RANBP2: variants seen among roughly 807,000 people sequenced by gnomAD.
RANBP2 encodes E3 SUMO-protein ligase RanBP2.
RANBP2 carries 57 observed loss-of-function variants against 303.6 expected under a neutral mutation model. The observed-to-expected ratio is 0.19, with a 90% confidence interval of 0.15 to 0.23. The LOEUF (loss-of-function observed/expected upper bound fraction) is 0.23, where lower values mean the gene tolerates loss of function less well. Among genes scored for constraint, RANBP2 ranks in the 10% least tolerant of loss-of-function variants. The pLI, the probability that RANBP2 is intolerant of heterozygous loss-of-function variation, is 1.00. For missense variants in RANBP2, 3,138 were observed against 3,780.8 expected, an observed-to-expected ratio of 0.83 and a Z score of 4.46; for synonymous variants, 1,167 against 1,301.5, an observed-to-expected ratio of 0.90 and a Z score of 2.23.
At chr2:109,072,410 T>G in the RANBP2 span, among the ~76,000 whole-genome samples, 1 of 152,186 alleles carries the variant, frequency 6.6e-6, no homozygotes, top group African/African-American at 2.4e-5. Flanking sequence ...CACCATGGAG[T>G]CCTGGATACT....
At chr2:109,201,847 C>T in the RANBP2 span, among the ~76,000 whole-genome samples, 2 of 152,228 alleles carry the variant, frequency 1.3e-5, no homozygotes, top group African/African-American at 2.4e-5. Flanking sequence ...AGTGCCCTCC[C>T]TCCAGGGAGA....
chr2:109,378,649 T>C, the RANBP2 span, among the ~76,000 whole-genome samples: 5 of 152,236 alleles, frequency 3.3e-5, no homozygotes, highest in African/African-American at 1.2e-4. Flanking sequence ...TTTGGTGTTT[T>C]TGAGGCTCGC....
chr2:109,439,504 C>T, the RANBP2 span, among the ~76,000 whole-genome samples: 8 of 152,290 alleles, frequency 5.3e-5, no homozygotes, highest in African/African-American at 1.7e-4. Flanking sequence ...ACCCCAACCC[C>T]GATGGGTGGG....
the RANBP2 span, among the ~76,000 whole-genome samples, chr2:108,930,661 G>A: frequency 5.9e-5 from 9 of 152,250 alleles, no homozygotes; most frequent in South Asian, 1.2e-3. Context: ...TCTTAGCTGC[G>A]CGGCCCCCAA....
At chr2:109,393,722 G>A in the RANBP2 span, among the ~76,000 whole-genome samples, 1 of 151,952 alleles carries the variant, frequency 6.6e-6, no homozygotes, top group Non-Finnish European at 1.5e-5. Context: ...TGCTGAGGTT[G>A]CTCTTCCTCC....
chr2:109,130,556 C>T, the RANBP2 span, among the ~76,000 whole-genome samples: 1 of 152,102 alleles, frequency 6.6e-6, no homozygotes, highest in African/African-American at 2.4e-5. Context: ...CCGCGGGCCT[C>T]CTGCCTGCGG....
At chr2:109,603,474 C>T in the RANBP2 span, among the ~76,000 whole-genome samples, 1 of 152,064 alleles carries the variant, frequency 6.6e-6, no homozygotes, top group Non-Finnish European at 1.5e-5. Flanking sequence ...CTCCTGACCT[C>T]GTGATCCGCC....
chr2:109,724,899 C>T, the RANBP2 span, among the ~76,000 whole-genome samples: 2 of 152,090 alleles, frequency 1.3e-5, no homozygotes, highest in Non-Finnish European at 2.9e-5. Flanking sequence ...GGGCACCCTA[C>T]CCCCAAAGGG....
the RANBP2 span, among the ~76,000 whole-genome samples, chr2:109,555,736 C>T: frequency 6.6e-6 from 1 of 152,194 alleles, no homozygotes; most frequent in Admixed American, 6.5e-5. Context: ...CCTCTTCCTC[C>T]CTGTTCTTTC....
At chr2:109,347,814 C>T in the RANBP2 span, 3 of 1,613,998 alleles carry the variant, frequency 1.9e-6, no homozygotes, top group South Asian at 2.2e-5. Flanking sequence ...AGCTGCACGG[C>T]ACACAGGGCT....
At chr2:109,673,327 C>G in the RANBP2 span, among the ~76,000 whole-genome samples, 3 of 152,324 alleles carry the variant, frequency 2.0e-5, no homozygotes, top group East Asian at 5.8e-4. Flanking sequence ...TGTTGCCAAT[C>G]TTTTTGCCCA....
At position 108,746,751 on chromosome 2, in the gene RANBP2, G is replaced by C. The variant is rs1037257373; in HGVS notation, c.1016G>C (p.Gly339Ala). ...ATTAAATTAATAAAAGGTGAAGCTG[G>C]ACAAAATCTGCTGGAAATGATGGCC... is the stretch of plus-strand genomic sequence containing the variant. ...PKIKLIKGEA[G>A]QNLLEMMACD... Residue 339 changes from glycine (G) to alanine (A), a missense_variant, in exon 8 of 29, where the codon GGA becomes GCA. By Grantham distance (60) the Gly-to-Ala change is moderately conservative (BLOSUM62 0). Around this residue, in one of 20 missense-constraint regions of RANBP2, gnomAD observed 6 missense variants for 38.5 expected, o/e 0.16. Coordinates refer to ENST00000283195, the MANE Select transcript of RANBP2 (RefSeq NM_006267.5). 2 of 1,464,172 alleles carry C rather than the reference G, an allele frequency of 1.4e-6. No individual in the cohort carries two copies. Among genetic ancestry groups the C allele is most frequent in the African/African-American group, 2.9e-5 (2 of 69,154 alleles). The allele number at this position is 1,464,172 out of a possible 1,614,324, so 90.7% of individuals were successfully genotyped here. A position where few individuals can be genotyped will look rare whatever the true frequency, so the allele number is the denominator to read the frequency against.
At chr2:108,850,214 T>TA in the RANBP2 span, among the ~76,000 whole-genome samples, 1 of 152,162 alleles carries the variant, frequency 6.6e-6, no homozygotes, top group Non-Finnish European at 1.5e-5. Flanking sequence ...TTAACTCTAG[T>TA]AAGAAGATGT....
chr2:108,852,966 A>G, the RANBP2 span, among the ~76,000 whole-genome samples: 1 of 152,236 alleles, frequency 6.6e-6, no homozygotes, highest in Non-Finnish European at 1.5e-5. Context: ...GGATATAGGC[A>G]CAATTTTGTT....
the RANBP2 span, among the ~76,000 whole-genome samples, chr2:109,065,563 A>C: frequency 6.6e-6 from 1 of 152,200 alleles, no homozygotes; most frequent in Non-Finnish European, 1.5e-5. Context: ...GAGGAGAGCA[A>C]GCTGGCAAAG....
the RANBP2 span, among the ~76,000 whole-genome samples, chr2:109,604,108 GC>G: frequency 1.4e-5 from 2 of 146,882 alleles, no homozygotes; most frequent in African/African-American, 5.1e-5. Context: ...ATTGCAGTGA[GC>G]CGAGATCATG....
At chr2:109,484,433 C>G in the RANBP2 span, among the ~76,000 whole-genome samples, 2 of 152,158 alleles carry the variant, frequency 1.3e-5, no homozygotes, top group Admixed American at 6.5e-5. Flanking sequence ...TGGCCCGCAC[C>G]TGCTTTTTGC....
At chr2:109,312,593 A>G in the RANBP2 span, among the ~76,000 whole-genome samples, 1 of 139,898 alleles carries the variant, frequency 7.1e-6, no homozygotes, top group Admixed American at 7.7e-5. Flanking sequence ...GAATTTGCCC[A>G]CTCTGGAGAT....
the RANBP2 span, chr2:109,552,790 GA>G: frequency 4.9e-4 from 132 of 266,702 alleles, 1 homozygote; most frequent in East Asian, 7.6e-3. Context: ...TGGATTTCAT[GA>G]AAGAAAAATG....
Sources: gnomAD v4.1 joint callset for allele counts (sites outside exome capture counted in the v4.1 genomes callset) on GRCh38, gnomAD v4.1.1 for gene constraint, gnomAD v4.1.1 regional missense constraint, MANE v1.5 for transcripts, NCBI Gene and HGNC (gene_info 2026-07-23, HGNC 2026-07-21) for gene names.